The following NDUFAF6 variants were observed in gnomAD, a reference collection of about 807,000 sequenced individuals.
NDUFAF6 encodes NADH dehydrogenase (ubiquinone) complex I, assembly factor 6.
NDUFAF6 carries 45 observed loss-of-function variants against 40.8 expected under a neutral mutation model. The ratio of observed to expected loss-of-function variants is 1.10; its 90% confidence interval spans 0.87 to 1.42. NDUFAF6 has a LOEUF of 1.42. Among genes scored for constraint, NDUFAF6 ranks in the 40% most tolerant of loss-of-function variants. The pLI is 0.00. For missense variants in NDUFAF6, 435 were observed against 418.5 expected (o/e 1.04, Z -0.34); for synonymous variants, 185 against 155.9 (o/e 1.19, Z -1.39).
chr8:94,942,217 T>A (rs912662077), intron 1 of NDUFAF6, among the ~76,000 whole-genome samples: 3 of 151,950 alleles, frequency 2.0e-5, no homozygotes, highest in Non-Finnish European at 4.4e-5. Flanking sequence ...CTTTTTTTTT[T>A]ATTTAGTGGA....
chr8:95,044,000 A>G (rs1830437514), intron 4 of NDUFAF6, among the ~76,000 whole-genome samples: 1 of 152,258 alleles, frequency 6.6e-6, no homozygotes, highest in Non-Finnish European at 1.5e-5. Context: ...TAGTCTGTTA[A>G]TGAGTTGTTA....
intron 1 of NDUFAF6, among the ~76,000 whole-genome samples, chr8:94,936,426 C>G (rs1423844216): frequency 1.3e-5 from 2 of 152,162 alleles, no homozygotes; most frequent in Non-Finnish European, 2.9e-5. Context: ...AACTGACTGA[C>G]AAAGAGCTGC....
chr8:95,110,127 C>G (rs1006756873), intron 4 of NDUFAF6, among the ~76,000 whole-genome samples: 2 of 152,148 alleles, frequency 1.3e-5, no homozygotes, highest in Non-Finnish European at 2.9e-5. Flanking sequence ...GACTGGCTGT[C>G]CTTAGGAGCA....
intron 2 of NDUFAF6, among the ~76,000 whole-genome samples, chr8:95,005,465 TTCAACAGATTGGATTTTACTTTAGAAC>T (rs1490582459): frequency 6.8e-6 from 1 of 148,054 alleles, no homozygotes; most frequent in Non-Finnish European, 1.5e-5. Context: ...GCCATCATTA[TTCAACAGATTGGATTTTACTTTAGAAC>T]TCTGAGCTCC....
intron 9 of NDUFAF6, chr8:95,069,353 A>T (rs960034804): frequency 1.3e-5 from 2 of 151,972 alleles, no homozygotes; most frequent in African/African-American, 4.9e-5. Context: ...TGTTAGATTT[A>T]AAAACTACGG....
chr8:94,953,269 C>T (rs1009032503), upstream of NDUFAF6, among the ~76,000 whole-genome samples: 3 of 151,736 alleles, frequency 2.0e-5, no homozygotes, highest in African/African-American at 4.9e-5. Context: ...ATCGCTTGAA[C>T]CGGGGAGGCG....
intron 1 of NDUFAF6, among the ~76,000 whole-genome samples, chr8:94,934,519 G>A (rs895984826): frequency 1.3e-5 from 2 of 151,642 alleles, no homozygotes; most frequent in Non-Finnish European, 2.9e-5. Context: ...CCTAGTAGCT[G>A]GGAGTACAGG....
upstream of NDUFAF6, among the ~76,000 whole-genome samples, chr8:95,098,936 C>A (rs1400300947): frequency 1.3e-5 from 2 of 150,678 alleles, no homozygotes; most frequent in African/African-American, 4.9e-5. Context: ...ACATAAAAAA[C>A]AAAAAACAAA....
chr8:95,053,377 T>C (rs1341556711), intron 8 of NDUFAF6, among the ~76,000 whole-genome samples: 2 of 152,194 alleles, frequency 1.3e-5, no homozygotes, highest in African/African-American at 2.4e-5. Flanking sequence ...TCACCCTGTT[T>C]AGTGGTTATC....
At chr8:94,940,155 T>C in intron 1 of NDUFAF6, 2 of 1,614,180 alleles carry the variant, frequency 1.2e-6, no homozygotes, top group Non-Finnish European at 1.7e-6. Flanking sequence ...GGGTGCTCAG[T>C]AGGTGACTCT....
intron 2 of NDUFAF6, among the ~76,000 whole-genome samples, chr8:94,991,868 ATTCT>A (rs1226609621): frequency 7.1e-6 from 1 of 141,608 alleles, no homozygotes; most frequent in Non-Finnish European, 1.5e-5. Flanking sequence ...TTATTTAACC[ATTCT>A]TTATCGGAAG....
intron 1 of NDUFAF6, among the ~76,000 whole-genome samples, chr8:94,918,210 G>T (rs1009312622): frequency 1.3e-5 from 2 of 152,168 alleles, no homozygotes; most frequent in African/African-American, 4.8e-5. Flanking sequence ...GCACACCAGA[G>T]ACACAAAACC....
intron 1 of NDUFAF6, among the ~76,000 whole-genome samples, chr8:94,909,799 CACATATATATATAT>C (rs1157511259): frequency 8.4e-5 from 2 of 23,848 alleles, no homozygotes; most frequent in Non-Finnish European, 1.2e-4. Context: ...TATATATATA[CACATATATATATAT>C]ACACACACAC....
chr8:94,920,757 C>T (rs1420701989), intron 1 of NDUFAF6, among the ~76,000 whole-genome samples: 1 of 152,238 alleles, frequency 6.6e-6, no homozygotes, highest in African/African-American at 2.4e-5. Context: ...GCACACTGCT[C>T]ACAGGCTGTG....
chr8:94,994,219 C>T (rs1428636773), intron 2 of NDUFAF6, among the ~76,000 whole-genome samples: 1 of 152,118 alleles, frequency 6.6e-6, no homozygotes, highest in Non-Finnish European at 1.5e-5. Flanking sequence ...CTACTGGCCT[C>T]TGGGAGCTGC....
At chr8:95,007,591 G>A (rs1030616877) in intron 2 of NDUFAF6, among the ~76,000 whole-genome samples, 6 of 151,510 alleles carry the variant, frequency 4.0e-5, no homozygotes, top group African/African-American at 1.5e-4. Context: ...TTGAGCCTGG[G>A]AAGTTGAGGC....
At chr8:94,992,356 G>A (rs752586859) in intron 2 of NDUFAF6, among the ~76,000 whole-genome samples, 19 of 152,094 alleles carry the variant, frequency 1.2e-4, no homozygotes, top group Non-Finnish European at 2.8e-4. Flanking sequence ...GCATGGTGGT[G>A]TGCACCTGCA....
At chr8:95,027,605 GT>G (rs1372766639) in intron 1 of NDUFAF6, among the ~76,000 whole-genome samples, 1 of 151,360 alleles carries the variant, frequency 6.6e-6, no homozygotes, top group Non-Finnish European at 1.5e-5. Flanking sequence ...AAAAGATTCG[GT>G]TTTTTCCTCA....
chr8:95,085,608 G>C (rs1378815767), intron 2 of NDUFAF6: 1 of 150,986 alleles, frequency 6.6e-6, no homozygotes, highest in Non-Finnish European at 1.5e-5. Flanking sequence ...AGCATGCTGT[G>C]CTCGTGCCTG....
Sources: gnomAD v4.1 joint callset for allele counts (sites outside exome capture counted in the v4.1 genomes callset) on GRCh38, gnomAD v4.1.1 for gene constraint, MANE v1.5 for transcripts, NCBI Gene and HGNC (gene_info 2026-07-23, HGNC 2026-07-21) for gene names.